The following SLMAP variants were observed in gnomAD, a reference collection of about 807,000 sequenced individuals.
SLMAP encodes the protein sarcolemmal membrane-associated protein.
SLMAP carries 44 observed loss-of-function variants against 128.8 expected under a neutral mutation model. That is an observed-to-expected ratio of 0.34 (90% CI 0.27 to 0.44). SLMAP has a LOEUF of 0.44. SLMAP is among the 20% of genes least tolerant of loss of function. SLMAP has a pLI of 1.00. For missense variants in SLMAP, 787 were observed against 985.3 expected, an observed-to-expected ratio of 0.80 and a Z score of 2.69; for synonymous variants, 327 against 348.8, an observed-to-expected ratio of 0.94 and a Z score of 0.70.
At chr3:57,762,738 C>T (rs1396463168) in intron 2 of SLMAP, among the ~76,000 whole-genome samples, 3 of 134,894 alleles carry the variant, frequency 2.2e-5, no homozygotes, top group South Asian at 2.4e-4. Context: ...TTTTTTGAGC[C>T]GGAGTCTTGC....
At chr3:57,873,745 C>T (rs980949678) in intron 14 of SLMAP, among the ~76,000 whole-genome samples, 67 of 152,072 alleles carry the variant, frequency 4.4e-4, no homozygotes, top group African/African-American at 1.6e-3. Context: ...TGGGCCTAGG[C>T]AGGAGGATCC....
intron 2 of SLMAP, among the ~76,000 whole-genome samples, chr3:57,810,980 A>T (rs975672342): frequency 6.6e-6 from 1 of 152,150 alleles, no homozygotes; most frequent in Non-Finnish European, 1.5e-5. Flanking sequence ...TTCTGTTTAT[A>T]TGCTGACGAC....
At chr3:57,896,422 A>C in intron 15 of SLMAP, 89 bp from the exon 16 acceptor site, 2 of 1,450,718 alleles carry the variant, frequency 1.4e-6, no homozygotes, top group Non-Finnish European at 9.0e-7. Flanking sequence ...GCGTACCTGT[A>C]GATTTTGAGC....
chr3:57,796,932 C>T (rs977226794), intron 2 of SLMAP, among the ~76,000 whole-genome samples: 2 of 152,004 alleles, frequency 1.3e-5, no homozygotes, highest in South Asian at 4.1e-4. Context: ...GTAATCTCAG[C>T]ACTTTGGGAG....
At chr3:57,926,706 T>C (rs945596573) in intron 24 of SLMAP, among the ~76,000 whole-genome samples, 2 of 152,252 alleles carry the variant, frequency 1.3e-5, no homozygotes, top group Non-Finnish European at 2.9e-5. Flanking sequence ...GCGGTGATCA[T>C]GTGGCTTTAT....
At chr3:57,876,561 G>T (rs1486072556) in intron 14 of SLMAP, among the ~76,000 whole-genome samples, 1 of 151,998 alleles carries the variant, frequency 6.6e-6, no homozygotes, top group Non-Finnish European at 1.5e-5. Context: ...TCCTCTTCAG[G>T]GATTCAGACA....
intron 14 of SLMAP, among the ~76,000 whole-genome samples, chr3:57,879,800 G>T (rs2095685781): frequency 6.6e-6 from 1 of 151,786 alleles, no homozygotes; most frequent in South Asian, 2.1e-4. Context: ...AAATTAGCTG[G>T]GCATGTGTGG....
intron 8 of SLMAP, among the ~76,000 whole-genome samples, chr3:57,860,001 C>T (rs991408787): frequency 6.6e-6 from 1 of 152,182 alleles, no homozygotes; most frequent in Non-Finnish European, 1.5e-5. Context: ...AGTGTTTTCT[C>T]ACTCCACTTA....
chr3:57,788,497 G>C (rs931238227), intron 2 of SLMAP, among the ~76,000 whole-genome samples: 1 of 152,170 alleles, frequency 6.6e-6, no homozygotes, highest in Non-Finnish European at 1.5e-5. Context: ...AGCCCATGTA[G>C]TGAAGGTTAC....
chr3:57,783,232 A>G (rs1472693183), intron 2 of SLMAP, among the ~76,000 whole-genome samples: 1 of 152,238 alleles, frequency 6.6e-6, no homozygotes, highest in Non-Finnish European at 1.5e-5. Context: ...GGAAACGTGT[A>G]TCAAAAAATC....
chr3:57,869,503 G>C (rs952941364), intron 13 of SLMAP, among the ~76,000 whole-genome samples: 1 of 150,552 alleles, frequency 6.6e-6, no homozygotes, highest in African/African-American at 2.4e-5. Context: ...TGTTGTCCCA[G>C]TTACTTGGGA....
rs145176168 is a variant in SLMAP at position 57,809,359 on chromosome 3, G to A, written c.199-22024G>A. On this transcript the variant is annotated intron_variant, in intron 2 of 24. Coordinates refer to ENST00000671191, the MANE Select transcript of SLMAP (RefSeq NM_001377540.1). ...AGAGCAAAGTCAGAGTGGAGCCTAG[G>A]TGCTGTCACAGACCAGCCAGGTGTG... is the stretch of plus-strand genomic sequence containing the variant. Among the ~76,000 whole-genome samples the A allele has an allele frequency of 1.2e-4, 18 of 152,332 alleles. No homozygotes were observed. The East Asian group carries it at 3.3e-3, about 28-fold the overall frequency.
At chr3:57,893,296 T>A (rs1027892407) in intron 15 of SLMAP, among the ~76,000 whole-genome samples, 1 of 151,912 alleles carries the variant, frequency 6.6e-6, no homozygotes, top group Non-Finnish European at 1.5e-5. Flanking sequence ...TAGCCAGATG[T>A]GGTGGTGCAC....
At chr3:57,774,000 G>T (rs2153449366) in intron 2 of SLMAP, among the ~76,000 whole-genome samples, 1 of 152,208 alleles carries the variant, frequency 6.6e-6, no homozygotes, top group South Asian at 2.1e-4. Context: ...AACAATGAAA[G>T]AAGTTAAAAG....
intron 6 of SLMAP, among the ~76,000 whole-genome samples, chr3:57,855,722 AAAAC>A (rs1193973857): frequency 4.5e-4 from 67 of 149,378 alleles, no homozygotes; most frequent in Non-Finnish European, 7.8e-4. Flanking sequence ...AAAAAAAAAA[AAAAC>A]AAAAAAAAAA....
chr3:57,777,559 G>A (rs1457436334), intron 2 of SLMAP, among the ~76,000 whole-genome samples: 2 of 151,670 alleles, frequency 1.3e-5, no homozygotes, highest in African/African-American at 2.4e-5. Context: ...AATCACCACT[G>A]TATTCCAGCC....
intron 4 of SLMAP, among the ~76,000 whole-genome samples, chr3:57,846,751 G>GTTTC (rs547322726): frequency 6.1e-4 from 93 of 151,896 alleles, no homozygotes; most frequent in African/African-American, 2.1e-3. Context: ...TAGAGACAGG[G>GTTTC]TTTCATCATG....
At chr3:57,843,891 C>T (rs1322277328) in intron 4 of SLMAP, among the ~76,000 whole-genome samples, 4 of 147,668 alleles carry the variant, frequency 2.7e-5, no homozygotes, top group Non-Finnish European at 5.9e-5. Context: ...AGTGATTCTC[C>T]TACCTCAACC....
intron 17 of SLMAP, among the ~76,000 whole-genome samples, chr3:57,906,304 T>TTTTTCC (rs373233450): frequency 8.8e-6 from 1 of 113,520 alleles, no homozygotes; most frequent in Non-Finnish European, 1.8e-5. Context: ...TTTTTTCTTT[T>TTTTTCC]TTTTTCTTTT....
Sources: allele counts gnomAD v4.1 joint callset (sites outside exome capture counted in the v4.1 genomes callset), GRCh38; gene constraint gnomAD v4.1.1; transcripts MANE v1.5; gene names NCBI Gene and HGNC (gene_info 2026-07-23, HGNC 2026-07-21).